The following UBE2V2 variants were observed in gnomAD, a reference collection of about 807,000 sequenced individuals.
UBE2V2 encodes the protein ubiquitin-conjugating enzyme E2 variant 2.
In UBE2V2, 9 loss-of-function variants were observed where a neutral mutation model predicts 17.2. That is an observed-to-expected ratio of 0.52 (90% CI 0.32 to 0.91). UBE2V2 has a LOEUF of 0.91. Among genes scored for constraint, UBE2V2 ranks in the 40% least tolerant of loss-of-function variants. The pLI is 0.04. For missense variants in UBE2V2, 133 were observed against 182.6 expected, an observed-to-expected ratio of 0.73 and a Z score of 1.56; for synonymous variants, 61 against 57.5, an observed-to-expected ratio of 1.06 and a Z score of -0.28.
chr8:48,014,644 C>CA (rs1179934700), intron 1 of UBE2V2, among the ~76,000 whole-genome samples: 15,661 of 71,850 alleles, frequency 0.22, 1,500 homozygotes, highest in Non-Finnish European at 0.29. Context: ...GACTCTGCCT[C>CA]AAAAAAAAAA....
chr8:48,022,223 C>T (rs193256294), intron 1 of UBE2V2, among the ~76,000 whole-genome samples: 52 of 149,902 alleles, frequency 3.5e-4, no homozygotes, highest in African/African-American at 7.1e-4. Flanking sequence ...CTGCAACCTT[C>T]GCCTCCCGGG....
chr8:48,026,031 C>T (rs1229426816), intron 1 of UBE2V2, among the ~76,000 whole-genome samples: 2 of 151,946 alleles, frequency 1.3e-5, no homozygotes, highest in African/African-American at 4.8e-5. Context: ...TTATCCTAAA[C>T]ATTTCAGTAT....
chr8:48,037,703 C>T (rs2154507561), intron 1 of UBE2V2, among the ~76,000 whole-genome samples: 1 of 152,270 alleles, frequency 6.6e-6, no homozygotes, highest in East Asian at 1.9e-4. Flanking sequence ...AATTCTTTGG[C>T]TCACAGTAGA....
intron 2 of UBE2V2, 75 bp from the exon 3 acceptor site, chr8:48,049,778 T>G (rs2091522850): frequency 7.4e-7 from 1 of 1,348,834 alleles, no homozygotes; most frequent in Non-Finnish European, 1.0e-6. Context: ...ACTTTCCCTT[T>G]TTTTTTTTTA....
chr8:48,039,283 A>C (rs1311377387), intron 1 of UBE2V2, among the ~76,000 whole-genome samples: 1 of 152,182 alleles, frequency 6.6e-6, no homozygotes, highest in East Asian at 1.9e-4. Context: ...AACTATGTTT[A>C]TTTATAGCTT....
At chr8:48,046,793 G>T (rs2091502918) in intron 2 of UBE2V2, among the ~76,000 whole-genome samples, 1 of 151,656 alleles carries the variant, frequency 6.6e-6, no homozygotes, top group African/African-American at 2.4e-5. Flanking sequence ...AGAGATGGGG[G>T]TCTCACTGTG....
rs529948528 is a variant in UBE2V2, at chr8:48,046,077, G to C, written c.165+2896G>C. Among the ~76,000 whole-genome samples the C allele has an allele frequency of 2.5e-3, 376 of 152,234 alleles. 3 individuals carry two copies. The highest frequency in any genetic ancestry group is 8.8e-3 in the African/African-American group (367 of 41,570). On this transcript the variant is annotated intron_variant, in intron 2 of 3. Coordinates refer to ENST00000523111, the MANE Select transcript of UBE2V2 (RefSeq NM_003350.3). ...TTTTCCTGCCTCAGCCTCCCTAGTA[G>C]CTGGGATTACAGGCATGTGCCACCA...
chr8:48,034,793 C>G (rs1232770926), intron 1 of UBE2V2: 1 of 152,570 alleles, frequency 6.6e-6, no homozygotes, highest in African/African-American at 2.4e-5. Context: ...AACTTTGTGG[C>G]TTCAAACGAT....
chr8:48,058,402 G>A (rs1409704276), intron 3 of UBE2V2, among the ~76,000 whole-genome samples: 1 of 151,366 alleles, frequency 6.6e-6, no homozygotes, highest in Non-Finnish European at 1.5e-5. Context: ...GGGGAGGCAT[G>A]GGTTGCAGTG....
At chr8:48,053,194 T>C (rs902868902) in intron 3 of UBE2V2, among the ~76,000 whole-genome samples, 2 of 151,986 alleles carry the variant, frequency 1.3e-5, no homozygotes, top group Non-Finnish European at 2.9e-5. Flanking sequence ...AAATTCCACT[T>C]TTTAGTATCT....
At chr8:48,028,965 G>T (rs1021345980) in intron 1 of UBE2V2, among the ~76,000 whole-genome samples, 1 of 152,034 alleles carries the variant, frequency 6.6e-6, no homozygotes, top group Non-Finnish European at 1.5e-5. Flanking sequence ...TTAAAATTTT[G>T]ATGAAGACCA....
chr8:48,043,169 T>C lies in UBE2V2; in HGVS notation c.153T>C (p.Ile51=). 1 of 1,535,912 alleles carries C rather than the reference T, an allele frequency of 6.5e-7. No individual in the cohort carries two copies. Among genetic ancestry groups the C allele is most frequent in the South Asian group, 1.3e-5 (1 of 74,278 alleles). ...TTACAAGGTGGACAGGCATGATTAT[T>C]GGGCCACCAAGGGTCAGTGTTATAA... ...MTLTRWTGMI[I]GPPRTNYENR... Residue 51 remains isoleucine, a synonymous_variant, in exon 2 of 4, where the codon ATT becomes ATC. Transcript: ENST00000523111.
intron 1 of UBE2V2, among the ~76,000 whole-genome samples, chr8:48,009,922 T>TA (rs1455622225): frequency 6.6e-6 from 1 of 152,220 alleles, no homozygotes; most frequent in East Asian, 1.9e-4. Context: ...TGCTGAAATC[T>TA]AATCTGTGCT....
At chr8:48,035,646 T>G (rs2154507473) in intron 1 of UBE2V2, among the ~76,000 whole-genome samples, 1 of 139,790 alleles carries the variant, frequency 7.2e-6, no homozygotes, top group Admixed American at 7.3e-5. Flanking sequence ...TGTGTGTGTG[T>G]GTGTGTGTGT....
chr8:48,015,389 A>G (rs1490446227), intron 1 of UBE2V2, among the ~76,000 whole-genome samples: 1 of 152,126 alleles, frequency 6.6e-6, no homozygotes, highest in Admixed American at 6.6e-5. Context: ...AAAAAAAATT[A>G]ATTTGAACAA....
chr8:48,024,811 G>A (rs1019378745), intron 1 of UBE2V2, among the ~76,000 whole-genome samples: 4 of 152,034 alleles, frequency 2.6e-5, no homozygotes, highest in African/African-American at 9.7e-5. Context: ...ATTGAAATGA[G>A]TAACAAAAAT....
At chr8:48,008,916 C>G (rs989924448) in intron 1 of UBE2V2, among the ~76,000 whole-genome samples, 1 of 152,132 alleles carries the variant, frequency 6.6e-6, no homozygotes, top group Non-Finnish European at 1.5e-5. Flanking sequence ...TTTGGACTCT[C>G]CTTGACATGG....
chr8:48,013,005 C>T (rs2091244359), intron 1 of UBE2V2, among the ~76,000 whole-genome samples: 1 of 151,658 alleles, frequency 6.6e-6, no homozygotes, highest in African/African-American at 2.4e-5. Context: ...GCTGTCACAC[C>T]CGGATAATTT....
At chr8:48,052,321 T>G (rs2091544077) in intron 3 of UBE2V2, among the ~76,000 whole-genome samples, 1 of 152,230 alleles carries the variant, frequency 6.6e-6, no homozygotes, top group Non-Finnish European at 1.5e-5. Flanking sequence ...ACTACTGTTT[T>G]GTTTTTACAT....
Sources: allele counts gnomAD v4.1 joint callset (sites outside exome capture counted in the v4.1 genomes callset), GRCh38; gene constraint gnomAD v4.1.1; transcripts MANE v1.5; gene names NCBI Gene and HGNC (gene_info 2026-07-23, HGNC 2026-07-21).